The following TDRP variants were observed in gnomAD, a reference collection of about 807,000 sequenced individuals.
The protein encoded by TDRP is testis development related protein.
A neutral mutation model predicts 10.5 loss-of-function variants in TDRP; 12 were observed. The observed-to-expected ratio is 1.15, with a 90% CI of 0.73 to 1.86. The LOEUF (loss-of-function observed/expected upper bound fraction) is 1.86, where lower values mean the gene tolerates loss of function less well. TDRP is among the 40% of genes most tolerant of loss of function. The pLI is 0.00. For missense variants in TDRP, 353 were observed against 229.2 expected (o/e 1.54, Z -3.49); for synonymous variants, 139 against 95.4 (o/e 1.46, Z -2.67).
At chr8:541,066 T>G (rs1439319718) in intron 1 of TDRP, among the ~76,000 whole-genome samples, 1 of 152,210 alleles carries the variant, frequency 6.6e-6, no homozygotes, top group Non-Finnish European at 1.5e-5. Flanking sequence ...TTCTCTCAAC[T>G]TTAAAATTTT....
intron 1 of TDRP, among the ~76,000 whole-genome samples, chr8:534,418 C>T (rs73670305): frequency 0.028 from 4,190 of 152,218 alleles, 202 homozygotes; most frequent in African/African-American, 0.096. Context: ...TTTAAAGATG[C>T]CTGCTTTAAT....
intron 1 of TDRP, 58 bp downstream of exon 1, chr8:544,592 C>G: frequency 8.8e-7 from 1 of 1,136,002 alleles, no homozygotes; most frequent in Non-Finnish European, 1.1e-6. Context: ...CGCCCACCCT[C>G]GCCCTCCACC....
chr8:535,797 A>AGC lies in TDRP; in HGVS notation c.108+8852_108+8853insGC, dbSNP rs1368549016. Among the ~76,000 whole-genome samples, 212 of 139,154 alleles carry AGC rather than the reference A, an allele frequency of 1.5e-3. 5 individuals carry two copies. Among genetic ancestry groups the AGC allele is most frequent in the African/African-American group, 1.8e-3 (61 of 34,402 alleles). The allele number at this position is 139,154 out of a possible 152,430, so 91.3% of individuals were successfully genotyped here. A position where few individuals can be genotyped will look rare whatever the true frequency, so the allele number is the denominator to read the frequency against. On this transcript the variant is annotated intron_variant, in intron 1 of 2. Coordinates refer to ENST00000324079, the MANE Select transcript of TDRP (RefSeq NM_001384899.1). ...GGTGGGCCCACCCGAGGCAGGTCTC[A>AGC]GTGTAGGGGTGGGCCCACCCGAGGC...
intron 1 of TDRP, among the ~76,000 whole-genome samples, chr8:529,584 T>C (rs1295018576): frequency 6.7e-6 from 1 of 148,260 alleles, no homozygotes; most frequent in East Asian, 2.0e-4. Context: ...GCTTTGGTTA[T>C]CTGGGAAGGT....
intron 1 of TDRP, among the ~76,000 whole-genome samples, chr8:521,305 T>A (rs987779176): frequency 1.4e-5 from 2 of 148,126 alleles, no homozygotes; most frequent in African/African-American, 2.5e-5. Context: ...TAGTCCCAGC[T>A]ACTTGGGAGG....
chr8:498,589 G>A (rs974331701), intron 1 of TDRP, among the ~76,000 whole-genome samples: 1 of 152,186 alleles, frequency 6.6e-6, no homozygotes, highest in African/African-American at 2.4e-5. Context: ...TGAGACTTTG[G>A]ATTTGACTTT....
At chr8:522,801 G>T (rs1439162203) in intron 1 of TDRP, among the ~76,000 whole-genome samples, 1 of 152,138 alleles carries the variant, frequency 6.6e-6, no homozygotes, top group Non-Finnish European at 1.5e-5. Context: ...TTTTGTGACA[G>T]TTTTTGACTT....
chr8:515,430 A>G (rs1412660530), intron 1 of TDRP, among the ~76,000 whole-genome samples: 1 of 152,200 alleles, frequency 6.6e-6, no homozygotes, highest in Non-Finnish European at 1.5e-5. Context: ...CAGATTTCAG[A>G]TATTTTGGGA....
chr8:509,683 T>C (rs1472831614), intron 1 of TDRP, among the ~76,000 whole-genome samples: 1 of 152,174 alleles, frequency 6.6e-6, no homozygotes. Context: ...GTCTCTGACA[T>C]GCCCTGGAGA....
rs182373497 is a variant in TDRP at position 496,986 on chromosome 8, C to G, written c.109-2389G>C. Among the ~76,000 whole-genome samples the G allele has an allele frequency of 1.6e-3, 241 of 152,356 alleles. 1 individual carries two copies. The highest frequency in any genetic ancestry group is 5.4e-3 in the African/African-American group (224 of 41,580). On this transcript the variant is annotated intron_variant, in intron 1 of 2. Transcript: ENST00000324079. Reference sequence around the variant, plus strand: ...AGTTTCCTAGGCCTCCCCAGCCATACAGAACTGTAAGTCAACCTCTTTTCT... The same window carrying G: ...AGTTTCCTAGGCCTCCCCAGCCATAGAGAACTGTAAGTCAACCTCTTTTCT...
chr8:501,821 G>T (rs970764708), intron 1 of TDRP, among the ~76,000 whole-genome samples: 1 of 152,204 alleles, frequency 6.6e-6, no homozygotes, highest in African/African-American at 2.4e-5. Flanking sequence ...CAACCACAGG[G>T]CACTGGCGTC....
chr8:533,497 G>C (rs1457161915), intron 1 of TDRP, among the ~76,000 whole-genome samples: 2 of 152,170 alleles, frequency 1.3e-5, no homozygotes, highest in Admixed American at 1.3e-4. Flanking sequence ...TACATGTCCT[G>C]ACAAATCTTC....
chr8:522,007 T>C (rs1263843801), intron 1 of TDRP, among the ~76,000 whole-genome samples: 1 of 152,238 alleles, frequency 6.6e-6, no homozygotes, highest in Non-Finnish European at 1.5e-5. Context: ...AATTTCCATT[T>C]GGGATTTTTC....
At chr8:534,456 C>T (rs1186041372) in intron 1 of TDRP, among the ~76,000 whole-genome samples, 1 of 152,184 alleles carries the variant, frequency 6.6e-6, no homozygotes, top group Non-Finnish European at 1.5e-5. Flanking sequence ...TCACACCGAA[C>T]TCTCAGCCAC....
At chr8:531,500 C>T (rs35475931) in intron 1 of TDRP, among the ~76,000 whole-genome samples, 13 of 152,080 alleles carry the variant, frequency 8.5e-5, no homozygotes, top group African/African-American at 3.1e-4. Context: ...CAGAAGGAAA[C>T]TGAATTGTAG....
intron 1 of TDRP, among the ~76,000 whole-genome samples, chr8:521,862 C>G (rs1801914641): frequency 6.6e-6 from 1 of 152,142 alleles, no homozygotes; most frequent in African/African-American, 2.4e-5. Context: ...AAACCATCAA[C>G]ATGGGCTGTC....
chr8:507,122 A>T (rs1213247922), intron 1 of TDRP, among the ~76,000 whole-genome samples: 1 of 152,172 alleles, frequency 6.6e-6, no homozygotes, highest in Non-Finnish European at 1.5e-5. Flanking sequence ...GAGCATGCAC[A>T]GGAAGAACTG....
At chr8:516,126 A>G (rs1801751582) in intron 1 of TDRP, among the ~76,000 whole-genome samples, 1 of 152,214 alleles carries the variant, frequency 6.6e-6, no homozygotes, top group Admixed American at 6.5e-5. Context: ...TTATCCTCAA[A>G]GTACTACACT....
chr8:501,020 C>T (rs936265839), intron 1 of TDRP, among the ~76,000 whole-genome samples: 2 of 152,116 alleles, frequency 1.3e-5, no homozygotes, highest in East Asian at 2.0e-4. Flanking sequence ...TCCTGGCTAA[C>T]ACGGTGAAAC....
Sources: allele counts gnomAD v4.1 joint callset (sites outside exome capture counted in the v4.1 genomes callset), GRCh38; gene constraint gnomAD v4.1.1; transcripts MANE v1.5; gene names NCBI Gene and HGNC (gene_info 2026-07-23, HGNC 2026-07-21).